The following BICD1 variants were observed in gnomAD, a reference collection of about 807,000 sequenced individuals.
BICD1 encodes the protein protein bicaudal D homolog 1.
In BICD1, 35 loss-of-function variants were observed where a neutral mutation model predicts 92.5. The ratio of observed to expected loss-of-function variants is 0.38; its 90% CI spans 0.29 to 0.50. The LOEUF is 0.50. Ranked by LOEUF, BICD1 falls within the 20% of genes least tolerant of loss-of-function variation. BICD1 has a pLI of 0.93. For synonymous variants in BICD1, 429 were observed against 465.1 expected (o/e 0.92, Z 1.00); for missense variants, 950 against 1,189.8 (o/e 0.80, Z 2.97).
In BICD1 at chr12:32,321,377, C is replaced by G. The variant is rs538929323; in HGVS notation, c.1006-6084C>G. On this transcript the variant is annotated intron_variant, in intron 4 of 9. Coordinates refer to ENST00000652176, the MANE Select transcript of BICD1 (RefSeq NM_001714.4). ...CACTCAGTGAAGTAAAAAATAATTT[C>G]TATGGGATATAGGAACAACAATAAT... is the stretch of plus-strand genomic sequence containing the variant. 1.8e-3 allele frequency among the ~76,000 whole-genome samples: 268 copies of G among 152,158 alleles called. 3 individuals are homozygous for G. Among genetic ancestry groups the G allele is most frequent in the African/African-American group, 6.1e-3 (255 of 41,530 alleles).
chr12:32,203,833 T>C (rs1592469246), intron 1 of BICD1, among the ~76,000 whole-genome samples: 1 of 152,032 alleles, frequency 6.6e-6, no homozygotes, highest in Non-Finnish European at 1.5e-5. Flanking sequence ...TCCAACTCAA[T>C]AGGGGTCTGG....
chr12:32,164,450 A>G (rs1309099383), intron 1 of BICD1, among the ~76,000 whole-genome samples: 2 of 152,234 alleles, frequency 1.3e-5, no homozygotes, highest in South Asian at 2.1e-4. Flanking sequence ...AAGAAAGTTT[A>G]CTACCACGCA....
intron 1 of BICD1, among the ~76,000 whole-genome samples, chr12:32,142,127 C>G (rs73293591): frequency 0.11 from 17,388 of 151,990 alleles, 1,165 homozygotes; most frequent in South Asian, 0.21. Flanking sequence ...TATTGACAGC[C>G]TGGCGTGATG....
chr12:32,146,798 C>T (rs993746174), intron 1 of BICD1, among the ~76,000 whole-genome samples: 9 of 146,470 alleles, frequency 6.1e-5, no homozygotes, highest in Admixed American at 7.1e-5. Context: ...TCTCTTTCTC[C>T]CTTCCTCCTT....
intron 5 of BICD1, chr12:32,333,030 G>T: frequency 1.0e-6 from 1 of 985,398 alleles, no homozygotes; most frequent in Non-Finnish European, 1.2e-6. Context: ...TGGGGTATTT[G>T]TCACAAACAA....
intron 2 of BICD1, among the ~76,000 whole-genome samples, chr12:32,255,595 A>G (rs2136115420): frequency 6.6e-6 from 1 of 152,350 alleles, no homozygotes; most frequent in East Asian, 1.9e-4. Context: ...AGTTTCTACC[A>G]TGTTCTGCAA....
chr12:32,125,073 A>T (rs1798610), intron 1 of BICD1, among the ~76,000 whole-genome samples: 43,926 of 151,902 alleles, frequency 0.29, 6,586 homozygotes, highest in Admixed American at 0.43. Flanking sequence ...AATTAGGGAG[A>T]GGCAGCTCCT....
chr12:32,107,175 C>A lies in BICD1; in HGVS notation c.-157C>A. On this transcript the variant is annotated 5_prime_UTR_variant, in exon 1 of 10. Transcript: ENST00000652176. ...TCTCGGGCGGTGTAGCTGCCGCTGC[C>A]ACCAGAGCCGGCGGGGCATCGCGCT... 2 of 705,212 alleles carry A rather than the reference C, an allele frequency of 2.8e-6. No homozygotes were observed. Among genetic ancestry groups the A allele is most frequent in the Non-Finnish European group, 2.4e-6 (1 of 424,760 alleles). The allele number at this position is 705,212 out of a possible 1,614,324, so 43.7% of individuals were successfully genotyped here. A position where few individuals can be genotyped will look rare whatever the true frequency, so the allele number is the denominator to read the frequency against.
Position 32,216,366 on chromosome 12 carries a change from G to C in BICD1, c.333G>C (p.Glu111Asp), listed in dbSNP as rs1422408285. Residue 111 changes from glutamate (E) to aspartate (D), a missense_variant, in exon 2 of 10, where the codon GAG becomes GAC. Coordinates refer to ENST00000652176, the MANE Select transcript of BICD1 (RefSeq NM_001714.4). ...KEAYYLGKIL[E>D]MQNELKQSRA... ...CTTACTATCTGGGGAAGATCTTGGA[G>C]ATGCAGAACGAGCTGAAACAGAGCC... 6.2e-7 allele frequency: 1 copy of C among 1,614,212 alleles called. No homozygotes were observed.
intron 4 of BICD1, among the ~76,000 whole-genome samples, chr12:32,306,812 C>G (rs1948240946): frequency 6.6e-6 from 1 of 151,576 alleles, no homozygotes; most frequent in Admixed American, 6.6e-5. Context: ...GTCAGGAGTT[C>G]AAGACCAACC....
intron 1 of BICD1, among the ~76,000 whole-genome samples, chr12:32,150,538 A>G (rs753950323): frequency 3.3e-5 from 5 of 152,216 alleles, no homozygotes; most frequent in Admixed American, 6.5e-5. Context: ...GATGATCTGA[A>G]AGGACACCAG....
At chr12:32,357,537 G>C (rs1939163685) in intron 8 of BICD1, among the ~76,000 whole-genome samples, 1 of 152,190 alleles carries the variant, frequency 6.6e-6, no homozygotes, top group African/African-American at 2.4e-5. Flanking sequence ...CAAAGGCTGT[G>C]TTAGTCTGCT....
chr12:32,328,293 T>A lies in BICD1; in HGVS notation c.1838T>A (p.Leu613Ter), dbSNP rs750334933. The change falls in exon 5 of 10, where the codon TTG becomes TAG. Residue 613 changes from leucine (L) to a stop codon, truncating the protein, a stop_gained. Transcript: ENST00000652176. LOFTEE classifies it high-confidence loss of function. The surrounding 1 kb of genome is among the most constrained non-coding windows in gnomAD (Gnocchi z 4.4). The part of the protein sequence containing the change: ...VITAPPSSPV[L>*]DTSDIRKEPM... Reference sequence around the variant, plus strand: ...ACTGCCCCACCGTCATCTCCAGTATTGGATACAAGTGACATCCGCAAAGAG... The same window carrying A: ...ACTGCCCCACCGTCATCTCCAGTATAGGATACAAGTGACATCCGCAAAGAG... 6.2e-7 allele frequency: 1 copy of A among 1,614,220 alleles called. No homozygotes were observed. Among genetic ancestry groups the A allele is most frequent in the Admixed American group, 1.7e-5 (1 of 60,036 alleles).
intron 2 of BICD1, among the ~76,000 whole-genome samples, chr12:32,229,246 G>A (rs1300230210): frequency 6.6e-6 from 1 of 152,100 alleles, no homozygotes; most frequent in African/African-American, 2.4e-5. Flanking sequence ...GCAAGACTCT[G>A]TCTCAAAACA....
At chr12:32,324,059 G>A (rs1015882353) in intron 4 of BICD1, among the ~76,000 whole-genome samples, 14 of 152,140 alleles carry the variant, frequency 9.2e-5, no homozygotes, top group African/African-American at 2.4e-5. Context: ...GGCCGGGCGC[G>A]GTGGCTCACG....
intron 1 of BICD1, among the ~76,000 whole-genome samples, chr12:32,141,549 C>T (rs962472326): frequency 6.6e-6 from 1 of 152,150 alleles, no homozygotes; most frequent in Non-Finnish European, 1.5e-5. Flanking sequence ...TCTCGGCTCA[C>T]TGCACCCTCC....
chr12:32,278,658 C>A (rs1409949114), intron 2 of BICD1, among the ~76,000 whole-genome samples: 9 of 152,088 alleles, frequency 5.9e-5, no homozygotes, highest in Admixed American at 5.9e-4. Context: ...TCGAGACCAT[C>A]CTGGCTAACA....
At chr12:32,117,711 T>TACACACACACACACACAC (rs747943737) in intron 1 of BICD1, among the ~76,000 whole-genome samples, 101 of 116,996 alleles carry the variant, frequency 8.6e-4, no homozygotes, top group African/African-American at 2.1e-3. Context: ...CAAATATATA[T>TACACACACACACACACAC]ACACACACAC....
At position 32,379,080 on chromosome 12, in the gene BICD1, C is replaced by T. The variant is rs1940094022; in HGVS notation, c.*1453C>T. The T allele has an allele frequency of 6.6e-6, 1 of 152,188 alleles. No individual in the cohort carries two copies. 9.4% of individuals were successfully genotyped at this position (152,188 alleles called of 1,614,324 possible). On this transcript the variant is annotated 3_prime_UTR_variant, in exon 10 of 10. Transcript: ENST00000652176. ...TCAGGTAGCCTTAACTTATTTAAAACCATAAGGGTTTGACCTTTTCATATA... is the reference window on the plus strand; with the variant it reads ...TCAGGTAGCCTTAACTTATTTAAAATCATAAGGGTTTGACCTTTTCATATA...
Sources: allele counts gnomAD v4.1 joint callset (sites outside exome capture counted in the v4.1 genomes callset), GRCh38; gene constraint gnomAD v4.1.1; non-coding constraint Gnocchi (gnomAD v3.1); transcripts MANE v1.5; gene names NCBI Gene and HGNC (gene_info 2026-07-23, HGNC 2026-07-21).